The following SFMBT2 variants were observed in gnomAD, a reference collection of about 807,000 sequenced individuals.
SFMBT2 encodes scm-like with four MBT domains protein 2.
A neutral mutation model predicts 110.1 loss-of-function variants in SFMBT2; 38 were observed. The observed-to-expected ratio is 0.35, with a 90% CI of 0.27 to 0.45. The LOEUF (loss-of-function observed/expected upper bound fraction) is 0.45, where lower values mean the gene tolerates loss of function less well. Ranked by LOEUF, SFMBT2 falls within the 20% of genes least tolerant of loss-of-function variation. SFMBT2 has a pLI of 1.00. For missense variants in SFMBT2, 1,011 were observed against 1,094.9 expected (o/e 0.92, Z 1.08); for synonymous variants, 425 against 425.4 (o/e 1.00, Z 0.01).
intron 6 of SFMBT2, among the ~76,000 whole-genome samples, chr10:7,278,518 G>A (rs2131829067): frequency 6.6e-6 from 1 of 152,318 alleles, no homozygotes; most frequent in Admixed American, 6.5e-5. Context: ...TTGCCAACAG[G>A]CTGGAGCTCC....
In SFMBT2 at chr10:7,279,180, G is replaced by A. The variant is rs115857841; in HGVS notation, c.773-2191C>T. On this transcript the variant is annotated intron_variant, in intron 6 of 20. Coordinates refer to ENST00000397167, the MANE Select transcript of SFMBT2 (RefSeq NM_001387889.1). ...TTAGATCCAAGCTATGAGAACTCAC[G>A]GAGAGGATGCTCTGGCCCCAGTGGG... Among the ~76,000 whole-genome samples, 710 of 152,196 alleles carry A rather than the reference G, an allele frequency of 4.7e-3. 3 individuals carry two copies. Among genetic ancestry groups the A allele is most frequent in the African/African-American group, 0.016 (674 of 41,528 alleles).
chr10:7,365,860 T>C (rs1418908440), intron 4 of SFMBT2, among the ~76,000 whole-genome samples: 1 of 152,118 alleles, frequency 6.6e-6, no homozygotes, highest in Non-Finnish European at 1.5e-5. Flanking sequence ...TTGGAGGTGA[T>C]AAAAGAAATG....
rs879171284 is a variant in SFMBT2 at position 7,248,619 on chromosome 10, T to C, written c.901A>G (p.Thr301Ala). 3 of 1,614,014 alleles carry C rather than the reference T, an allele frequency of 1.9e-6. No homozygotes were observed. The highest frequency in any genetic ancestry group is 2.5e-6 in the Non-Finnish European group (3 of 1,179,992). ...DHADLRSHFFTVGMKLETVNM... is the reference protein window; with the variant it reads ...DHADLRSHFFAVGMKLETVNM... ...ACTGTCTCAAGCTTCATCCCAACTGTGAAGAAATGGCTTCGCAAATCTGCG... is the reference window on the plus strand; with the variant it reads ...ACTGTCTCAAGCTTCATCCCAACTGCGAAGAAATGGCTTCGCAAATCTGCG... The change falls in exon 8 of 21, where the codon ACA becomes GCA. Residue 301 changes from threonine (T) to alanine (A), a missense_variant. This residue lies in a region of SFMBT2 where 979 missense variants were observed against 1,016.1 expected (regional missense o/e 0.96). Coordinates refer to ENST00000397167, the MANE Select transcript of SFMBT2 (RefSeq NM_001387889.1).
chr10:7,306,265 C>A (rs1181201071), intron 4 of SFMBT2, among the ~76,000 whole-genome samples: 1 of 152,228 alleles, frequency 6.6e-6, no homozygotes, highest in Admixed American at 6.5e-5. Context: ...ACTCCACCCA[C>A]CCCCGGCACT....
intron 1 of SFMBT2, among the ~76,000 whole-genome samples, chr10:7,385,121 T>C (rs751527224): frequency 1.3e-5 from 2 of 152,184 alleles, no homozygotes; most frequent in Non-Finnish European, 2.9e-5. Flanking sequence ...ACAAACTACT[T>C]GTTGATAAGC....
intron 4 of SFMBT2, among the ~76,000 whole-genome samples, chr10:7,307,277 G>A (rs755222831): frequency 6.6e-6 from 1 of 152,180 alleles, no homozygotes; most frequent in South Asian, 2.1e-4. Context: ...TCCTTAAAAC[G>A]ATTTAGTCGA....
intron 4 of SFMBT2, among the ~76,000 whole-genome samples, chr10:7,347,720 C>CA (rs1296270798): frequency 3.9e-5 from 6 of 151,926 alleles, no homozygotes; most frequent in African/African-American, 9.7e-5. Context: ...GCAAGCATCT[C>CA]AAAAAAAATT....
rs1837922597 is a variant in SFMBT2 at position 7,172,620 on chromosome 10, T to C, written c.2026A>G (p.Ile676Val). Reference protein sequence around the residue: ...GKRKKISKPPIGESNPDSGHP... With the variant: ...GKRKKISKPPVGESNPDSGHP... Reference sequence around the variant, plus strand: ...CCGCTGTCGGGGTTGCTTTCCCCGATGGGGGGCTTGGAGATCTTCTTTCTC... The same window carrying C: ...CCGCTGTCGGGGTTGCTTTCCCCGACGGGGGGCTTGGAGATCTTCTTTCTC... The change falls in exon 18 of 21, where the codon ATC becomes GTC. Residue 676 changes from isoleucine to valine, a missense_variant. Around this residue, in one of 2 missense-constraint regions of SFMBT2, gnomAD observed 979 missense variants for 1,016.1 expected, o/e 0.96. Coordinates refer to ENST00000397167, the MANE Select transcript of SFMBT2 (RefSeq NM_001387889.1). This position sits in a 1 kb window ranked among gnomAD's most constrained non-coding sequence, Gnocchi z 4.6. 2 of 1,614,088 alleles carry C rather than the reference T, an allele frequency of 1.2e-6. No homozygotes were observed. The highest frequency in any genetic ancestry group is 1.7e-6 in the Non-Finnish European group (2 of 1,180,040).
chr10:7,295,097 T>C (rs1341304248), intron 4 of SFMBT2: 1 of 152,206 alleles, frequency 6.6e-6, no homozygotes, highest in African/African-American at 2.4e-5. Flanking sequence ...ATAAATTCCT[T>C]ATATTCCAAA....
intron 20 of SFMBT2, among the ~76,000 whole-genome samples, chr10:7,169,945 T>C (rs960664565): frequency 1.3e-5 from 2 of 152,144 alleles, no homozygotes; most frequent in African/African-American, 4.8e-5. Flanking sequence ...GTCTTAAAAA[T>C]ATTTTATGCA....
At chr10:7,248,442 G>T in intron 8 of SFMBT2, 106 bp downstream of exon 8, 3 of 925,244 alleles carry the variant, frequency 3.2e-6, no homozygotes, top group African/African-American at 1.6e-5. Flanking sequence ...GCCTGGCATT[G>T]CTGATAGCCT....
chr10:7,304,843 C>T (rs1300592127), intron 4 of SFMBT2, among the ~76,000 whole-genome samples: 13 of 152,158 alleles, frequency 8.5e-5, no homozygotes, highest in Admixed American at 7.9e-4. Context: ...TAAGACAGGT[C>T]CCACCCTGTG....
At chr10:7,296,843 G>C (rs1411023069) in intron 4 of SFMBT2, among the ~76,000 whole-genome samples, 2 of 152,224 alleles carry the variant, frequency 1.3e-5, no homozygotes, top group African/African-American at 4.8e-5. Context: ...TTGAAGGCCT[G>C]GCTACAACAA....
chr10:7,205,515 TA>T, intron 12 of SFMBT2: 1 of 665,016 alleles, frequency 1.5e-6, no homozygotes, highest in Admixed American at 8.5e-5. Flanking sequence ...GTATCTAACA[TA>T]TTTTTTCACA....
intron 11 of SFMBT2, among the ~76,000 whole-genome samples, chr10:7,216,647 A>G (rs1839552657): frequency 6.6e-6 from 1 of 152,102 alleles, no homozygotes; most frequent in Non-Finnish European, 1.5e-5. Context: ...GTTTGCTTCT[A>G]AAAGTCTCCT....
chr10:7,195,837 C>T (rs1002753229), intron 15 of SFMBT2, among the ~76,000 whole-genome samples: 4 of 152,198 alleles, frequency 2.6e-5, no homozygotes, highest in Non-Finnish European at 5.9e-5. Flanking sequence ...CTCATCTTTC[C>T]CATCGACTGG....
At chr10:7,250,294 G>T (rs1175570934) in intron 7 of SFMBT2, among the ~76,000 whole-genome samples, 1 of 152,068 alleles carries the variant, frequency 6.6e-6, no homozygotes, top group African/African-American at 2.4e-5. Context: ...TTACATCCGT[G>T]TGTGCTCAAG....
At chr10:7,166,500 T>C (rs1474422516) in intron 20 of SFMBT2, among the ~76,000 whole-genome samples, 4 of 152,210 alleles carry the variant, frequency 2.6e-5, no homozygotes, top group African/African-American at 9.6e-5. Context: ...CTTGCCAATA[T>C]TTATTGAGCA....
chr10:7,399,540 A>G (rs368440278), intron 1 of SFMBT2, among the ~76,000 whole-genome samples: 1 of 152,266 alleles, frequency 6.6e-6, no homozygotes, highest in East Asian at 1.9e-4. Flanking sequence ...CCTATCCACC[A>G]AATTTTATAA....
Sources: gnomAD v4.1 joint callset for allele counts (sites outside exome capture counted in the v4.1 genomes callset) on GRCh38, gnomAD v4.1.1 for gene constraint, gnomAD v4.1.1 regional missense constraint, Gnocchi (gnomAD v3.1) non-coding constraint, MANE v1.5 for transcripts, NCBI Gene and HGNC (gene_info 2026-07-23, HGNC 2026-07-21) for gene names.